Variants in GTF2IRD1 observed in about 807,000 individuals in gnomAD.
GTF2IRD1 encodes general transcription factor II-I repeat domain-containing protein 1.
GTF2IRD1 carries 26 observed loss-of-function variants against 113.2 expected under a neutral mutation model. That is an observed-to-expected ratio of 0.23 (90% CI 0.17 to 0.32). The LOEUF is 0.32. Among genes scored for constraint, GTF2IRD1 ranks in the 10% least tolerant of loss-of-function variants. The pLI is 1.00. For missense variants in GTF2IRD1, 864 were observed against 1,280.8 expected, an observed-to-expected ratio of 0.67 and a Z score of 4.97; for synonymous variants, 484 against 529.1, an observed-to-expected ratio of 0.91 and a Z score of 1.17.
chr7:74,505,796 G>A (rs1165627472), intron 1 of GTF2IRD1, among the ~76,000 whole-genome samples: 1 of 152,168 alleles, frequency 6.6e-6, no homozygotes, highest in Non-Finnish European at 1.5e-5. Flanking sequence ...AAGTCTGGTC[G>A]CATGCAAGAC....
At chr7:74,462,746 CCGGGG>C (rs1793455838) in intron 1 of GTF2IRD1, among the ~76,000 whole-genome samples, 1 of 152,222 alleles carries the variant, frequency 6.6e-6, no homozygotes, top group Admixed American at 6.5e-5. Context: ...TGACCCCAAG[CCGGGG>C]GAGCTGCTCA....
At chr7:74,542,993 C>A (rs1798713886) in intron 14 of GTF2IRD1, among the ~76,000 whole-genome samples, 1 of 152,158 alleles carries the variant, frequency 6.6e-6, no homozygotes, top group South Asian at 2.1e-4. Flanking sequence ...CCCAGGCACC[C>A]CAGTCAAACC....
chr7:74,585,487 C>T (rs142514128), intron 22 of GTF2IRD1, among the ~76,000 whole-genome samples: 30 of 152,176 alleles, frequency 2.0e-4, no homozygotes, highest in East Asian at 1.7e-3. Flanking sequence ...CTTTGAGTCT[C>T]GCTCTGTCCC....
chr7:74,595,021 G>C lies in GTF2IRD1; in HGVS notation c.2599G>C (p.Ala867Pro), dbSNP rs782105160. ...CATTTCTTTCTTTTTCAGACCCTTT[G>C]CAGAAATCTGCAATGATGCCAAGGT... ...MVIINQLQPF[A>P]EICNDAKVPA... Residue 867 changes from alanine to proline, a missense_variant, in exon 25 of 27, where the codon GCA (alanine) becomes CCA (proline). Ala to Pro is a conservative substitution (Grantham distance 27). Around this residue, in one of 7 missense-constraint regions of GTF2IRD1, gnomAD observed 195 missense variants for 359.1 expected, o/e 0.54. Transcript: ENST00000424337. 1.2e-5 allele frequency: 19 copies of C among 1,605,020 alleles called. 1 individual carries two copies. The Middle Eastern group carries it at 1.0e-3, about 85-fold the overall frequency.
chr7:74,509,410 G>A (rs1189122766), intron 2 of GTF2IRD1, among the ~76,000 whole-genome samples: 3 of 151,588 alleles, frequency 2.0e-5, no homozygotes, highest in Non-Finnish European at 4.4e-5. Flanking sequence ...GCACATTCCT[G>A]TAATCCTGCC....
In GTF2IRD1 at chr7:74,601,034, C is replaced by T. The variant is rs781901265; in HGVS notation, c.2630-10C>T. ...CTTCCAGTGTCAACAGCCTTTTCCC[C>T]TCCTTCCAGCCAAAGACAGCAGCAT... is the stretch of plus-strand genomic sequence containing the variant. On this transcript the variant is annotated splice_polypyrimidine_tract_variant and intron_variant, in intron 25 of 26. Transcript: ENST00000424337. 6.8e-6 allele frequency: 11 copies of T among 1,613,960 alleles called. No individual in the cohort carries two copies. The South Asian group carries it at 9.9e-5, about 14-fold the overall frequency.
At chr7:74,600,899 GCCCT>G (rs1802720266) in intron 25 of GTF2IRD1, 141 bp from the exon 26 acceptor site, 2 of 805,890 alleles carry the variant, frequency 2.5e-6, no homozygotes, top group Non-Finnish European at 4.0e-6. Flanking sequence ...GGACAGGTGG[GCCCT>G]GACCCCCAGG....
At chr7:74,570,180 G>A (rs1800610991) in intron 22 of GTF2IRD1, among the ~76,000 whole-genome samples, 1 of 151,862 alleles carries the variant, frequency 6.6e-6, no homozygotes, top group South Asian at 2.1e-4. Flanking sequence ...TGGCCAACAT[G>A]GTGAGACCCT....
At chr7:74,601,563 A>G (rs1412435650) in intron 26 of GTF2IRD1, 3 of 1,067,540 alleles carry the variant, frequency 2.8e-6, no homozygotes, top group Non-Finnish European at 3.8e-6. Context: ...ACCTGAGGTC[A>G]GGAGTTTGAG....
intron 22 of GTF2IRD1, among the ~76,000 whole-genome samples, chr7:74,569,481 T>C (rs1800556357): frequency 6.6e-6 from 1 of 152,092 alleles, no homozygotes; most frequent in Non-Finnish European, 1.5e-5. Flanking sequence ...GAGGGGGGGA[T>C]GGAGAATAGC....
At chr7:74,496,807 C>T (rs1270338526) in intron 1 of GTF2IRD1, among the ~76,000 whole-genome samples, 2 of 151,996 alleles carry the variant, frequency 1.3e-5, no homozygotes, top group African/African-American at 2.4e-5. Context: ...GAACGACACT[C>T]GACAGTGGAC....
intron 22 of GTF2IRD1, among the ~76,000 whole-genome samples, chr7:74,573,821 G>A (rs782068915): frequency 6.6e-6 from 1 of 152,128 alleles, no homozygotes; most frequent in Non-Finnish European, 1.5e-5. Context: ...TCATGGAGAG[G>A]GCTCAGCACC....
At chr7:74,547,034 C>T (rs1192279802) in intron 16 of GTF2IRD1, 69 bp from the exon 17 acceptor site, 26 of 1,417,590 alleles carry the variant, frequency 1.8e-5, no homozygotes, top group African/African-American at 2.8e-5. Flanking sequence ...GACACAGGCA[C>T]GGGACACAGG....
rs587647802 is a variant in GTF2IRD1, at chr7:74,535,200, G to A, written c.1300+62G>A. The A allele has an allele frequency of 5.2e-6, 7 of 1,344,724 alleles. No homozygotes were observed. In the African/African-American group the frequency reaches 7.2e-5, roughly 14 times the overall value. 83.3% of individuals were successfully genotyped at this position (1,344,724 alleles called of 1,614,324 possible). A position where few individuals can be genotyped will look rare whatever the true frequency, so the allele number is the denominator to read the frequency against. ...GGATTGGTTCCCCAACAGAACCCGA[G>A]CTGCCACCACCCTGGACTTGGTCCT... On this transcript the variant is annotated intron_variant, in intron 10 of 26. Transcript: ENST00000424337.
intron 1 of GTF2IRD1, among the ~76,000 whole-genome samples, chr7:74,466,511 G>A (rs555959891): frequency 7.2e-5 from 11 of 152,234 alleles, no homozygotes; most frequent in East Asian, 1.9e-4. Context: ...GAGCCTCATC[G>A]TTTCTAAAAC....
chr7:74,524,830 A>G (rs947542929), intron 8 of GTF2IRD1, among the ~76,000 whole-genome samples: 2 of 152,210 alleles, frequency 1.3e-5, no homozygotes, highest in South Asian at 4.1e-4. Context: ...GTGGCATTGC[A>G]CTTCAGCCTG....
chr7:74,557,033 G>A (rs587626625), intron 19 of GTF2IRD1, among the ~76,000 whole-genome samples: 1 of 152,104 alleles, frequency 6.6e-6, no homozygotes, highest in African/African-American at 2.4e-5. Flanking sequence ...TTGAGCTTGG[G>A]GGTTCGAGGC....
chr7:74,588,905 T>C (rs1554368628), intron 22 of GTF2IRD1, among the ~76,000 whole-genome samples: 1 of 152,134 alleles, frequency 6.6e-6, no homozygotes, highest in Non-Finnish European at 1.5e-5. Context: ...GTGGGCACCC[T>C]CATTCATGCC....
intron 1 of GTF2IRD1, among the ~76,000 whole-genome samples, chr7:74,503,908 C>T (rs1255303134): frequency 6.6e-6 from 1 of 152,104 alleles, no homozygotes; most frequent in African/African-American, 2.4e-5. Context: ...CCTCCTTTTC[C>T]CCTCTCTCCC....
Sources: gnomAD v4.1 joint callset for allele counts (sites outside exome capture counted in the v4.1 genomes callset) on GRCh38, gnomAD v4.1.1 for gene constraint, gnomAD v4.1.1 regional missense constraint, MANE v1.5 for transcripts, NCBI Gene and HGNC (gene_info 2026-07-23, HGNC 2026-07-21) for gene names.